The following SH3KBP1 variants were observed in gnomAD, a reference collection of about 807,000 sequenced individuals.
SH3KBP1 encodes SH3 domain containing kinase binding protein 1.
SH3KBP1 carries 8 observed loss-of-function variants against 50.1 expected under a neutral mutation model. The ratio of observed to expected loss-of-function variants is 0.16; its 90% CI spans 0.09 to 0.29. The LOEUF (loss-of-function observed/expected upper bound fraction) is 0.29. Among genes scored for constraint, SH3KBP1 ranks in the 10% least tolerant of loss-of-function variants. The pLI is 1.00. For synonymous variants in SH3KBP1, 227 were observed against 218.6 expected, an observed-to-expected ratio of 1.04 and a Z score of -0.34; for missense variants, 377 against 535.2, an observed-to-expected ratio of 0.70 and a Z score of 2.92.
At chrX:19,716,607 G>T (rs2063917314) in intron 3 of SH3KBP1, among the ~76,000 whole-genome samples, 1 of 111,806 alleles carries the variant, frequency 8.9e-6, no homozygotes, top group South Asian at 3.7e-4. Context: ...AAGGGAGGCA[G>T]ATAACATCAA....
At chrX:19,543,099 G>A (rs16997318) in intron 15 of SH3KBP1, among the ~76,000 whole-genome samples, 1,872 of 111,613 alleles carry the variant, frequency 0.017, 31 homozygotes, top group African/African-American at 0.046. Context: ...AAGCACAGCC[G>A]ACATAGAGCA....
intron 7 of SH3KBP1, among the ~76,000 whole-genome samples, chrX:19,636,717 C>G (rs752653893): frequency 3.2e-4 from 36 of 111,410 alleles, no homozygotes; most frequent in African/African-American, 1.0e-3. Flanking sequence ...ACCCTCTCAG[C>G]TTAAAAAAAA....
chrX:19,760,023 C>CTGTCTCT (rs1556345973), intron 2 of SH3KBP1, among the ~76,000 whole-genome samples: 10 of 83,584 alleles, frequency 1.2e-4, no homozygotes, highest in African/African-American at 5.3e-4. Context: ...CTCTCTCTCT[C>CTGTCTCT]CTCTCTCTCT....
chrX:19,595,057 C>T, intron 9 of SH3KBP1, 57 bp from the exon 10 acceptor site: 1 of 824,808 alleles, frequency 1.2e-6, no homozygotes, highest in Non-Finnish European at 1.8e-6. Context: ...TGTCCTCTCA[C>T]AGAAGGACCA....
At chrX:19,874,821 T>G (rs1342554380) in intron 1 of SH3KBP1, among the ~76,000 whole-genome samples, 2 of 89,168 alleles carry the variant, frequency 2.2e-5, no homozygotes, top group African/African-American at 8.8e-5. Flanking sequence ...TGCAGGGGAA[T>G]GGGAGAGAGA....
In SH3KBP1 at chrX:19,760,256, A is replaced by G. The variant is rs925458491; in HGVS notation, c.163-13815T>C. ...CAAAAAATAAGCCAGGCGCGGTGGC[A>G]GGCGCCTGTAGTTCCAGCTACTCGG... On this transcript the variant is annotated intron_variant, in intron 2 of 17. Coordinates refer to ENST00000397821, the MANE Select transcript of SH3KBP1 (RefSeq NM_031892.3). Among the ~76,000 whole-genome samples, 27 of 109,123 alleles carry G rather than the reference A, an allele frequency of 2.5e-4. No homozygotes were observed. The Admixed American group carries it at 2.7e-3, about 11-fold the overall frequency. The allele number at this position is 109,123 out of a possible 115,157, so 94.8% of individuals were successfully genotyped here.
In SH3KBP1 at chrX:19,645,750, C is replaced by A. The variant is rs775428600; in HGVS notation, c.727-275G>T. On this transcript the variant is annotated intron_variant, in intron 6 of 17. Coordinates refer to ENST00000397821, the MANE Select transcript of SH3KBP1 (RefSeq NM_031892.3). ...CCTTTATACTCTTATAAAAGGTTGA[C>A]TATTTTTAGCAAAGAAAACAGGCAT... 3.1e-4 allele frequency among the ~76,000 whole-genome samples: 35 copies of A among 112,008 alleles called. 1 individual carries two copies. Among genetic ancestry groups the A allele is most frequent in the Admixed American group, 2.8e-3 (30 of 10,535 alleles).
chrX:19,734,504 T>G (rs1166075548), intron 3 of SH3KBP1, among the ~76,000 whole-genome samples: 1 of 111,846 alleles, frequency 8.9e-6, no homozygotes, highest in Admixed American at 9.5e-5. Flanking sequence ...AACCCCAATT[T>G]GTGTTGTATT....
intron 3 of SH3KBP1, among the ~76,000 whole-genome samples, chrX:19,734,622 AGT>A (rs1207387759): frequency 8.9e-6 from 1 of 112,161 alleles, no homozygotes; most frequent in Non-Finnish European, 1.9e-5. Flanking sequence ...CCATGACAGC[AGT>A]GTAATTTTAG....
chrX:19,566,908 A>C (rs1024459848), intron 13 of SH3KBP1, among the ~76,000 whole-genome samples: 1 of 111,441 alleles, frequency 9.0e-6, no homozygotes, highest in Admixed American at 9.6e-5. Context: ...CAACTCTATC[A>C]GCAGATTCAG....
At chrX:19,572,571 T>C (rs1164437695) in intron 12 of SH3KBP1, among the ~76,000 whole-genome samples, 1 of 109,546 alleles carries the variant, frequency 9.1e-6, no homozygotes, top group East Asian at 2.8e-4. Flanking sequence ...AATGTTTTTG[T>C]TTTTTTAAGA....
At chrX:19,546,154 T>C (rs960354101) in intron 14 of SH3KBP1, 104 bp from the exon 15 acceptor site, 182 of 955,828 alleles carry the variant, frequency 1.9e-4, no homozygotes, top group Non-Finnish European at 1.0e-4. Flanking sequence ...ACACTGCTAT[T>C]TTGTCTTCTC....
At position 19,887,513 on chromosome X, in the gene SH3KBP1, C is replaced by A. The variant is rs1256913707; in HGVS notation, c.-203G>T. On this transcript the variant is annotated 5_prime_UTR_variant, in exon 1 of 18. Coordinates refer to ENST00000397821, the MANE Select transcript of SH3KBP1 (RefSeq NM_031892.3). ...CCTCTGCTGCTGCTGCCGCTGCTGC[C>A]CCGGGGCGACTCCTGCTGCTGCTGT... 6 of 237,697 alleles carry A rather than the reference C, an allele frequency of 2.5e-5. No homozygotes were observed. The highest frequency in any genetic ancestry group is 4.3e-5 in the Non-Finnish European group (6 of 138,228). 19.6% of individuals were successfully genotyped at this position (237,697 alleles called of 1,213,427 possible). A position where few individuals can be genotyped will look rare whatever the true frequency, so the allele number is the denominator to read the frequency against.
At chrX:19,554,075 TTATATATATTAAAATATAATATTA>T (rs2065364942) in intron 13 of SH3KBP1, among the ~76,000 whole-genome samples, 1 of 56,607 alleles carries the variant, frequency 1.8e-5, no homozygotes. Flanking sequence ...TTAAAATACA[TTATATATATTAAAATATAATATTA>T]TATATCATAT....
chrX:19,740,942 T>C (rs2064749415), intron 3 of SH3KBP1: 1 of 157,004 alleles, frequency 6.4e-6, no homozygotes, highest in Non-Finnish European at 1.4e-5. Context: ...GTTTAGGGCT[T>C]GGAATGACCA....
At chrX:19,780,260 A>G (rs1290702097) in intron 2 of SH3KBP1, among the ~76,000 whole-genome samples, 1 of 101,253 alleles carries the variant, frequency 9.9e-6, no homozygotes, top group Non-Finnish European at 2.0e-5. Flanking sequence ...GTGTCTGTTC[A>G]TGTCCTTCGC....
At chrX:19,799,132 A>G (rs756436790) in intron 2 of SH3KBP1, among the ~76,000 whole-genome samples, 1 of 109,269 alleles carries the variant, frequency 9.2e-6, no homozygotes, top group African/African-American at 3.3e-5. Context: ...CAGGAAAGCT[A>G]AATTCCACAC....
rs780102033 is a variant in SH3KBP1, at chrX:19,707,130, T to C, written c.287-146A>G. 10 of 567,509 alleles carry C rather than the reference T, an allele frequency of 1.8e-5. No individual in the cohort carries two copies. In the African/African-American group the frequency reaches 2.2e-4, roughly 13 times the overall value. 46.8% of individuals were successfully genotyped at this position (567,509 alleles called of 1,213,427 possible). Reference sequence around the variant, plus strand: ...ATGGCTTGAGGCACGGCAGCCCTGGTCTCTTAGAGAGAGGCAGTAGAAAGC... The same window carrying C: ...ATGGCTTGAGGCACGGCAGCCCTGGCCTCTTAGAGAGAGGCAGTAGAAAGC... On this transcript the variant is annotated intron_variant, in intron 3 of 17. Transcript: ENST00000397821.
chrX:19,596,277 C>T (rs1410658182), intron 9 of SH3KBP1, among the ~76,000 whole-genome samples: 1 of 112,041 alleles, frequency 8.9e-6, no homozygotes, highest in Non-Finnish European at 1.9e-5. Flanking sequence ...TCCTGGTGCA[C>T]ATAAAAGTTA....
Sources: allele counts gnomAD v4.1 joint callset (sites outside exome capture counted in the v4.1 genomes callset), GRCh38; gene constraint gnomAD v4.1.1; transcripts MANE v1.5; gene names NCBI Gene and HGNC (gene_info 2026-07-23, HGNC 2026-07-21).